Variants in NLGN4X observed in about 807,000 individuals in gnomAD.
The protein encoded by NLGN4X is neuroligin-4, X-linked.
NLGN4X carries 3 observed loss-of-function variants against 40.3 expected under a neutral mutation model. The ratio of observed to expected loss-of-function variants is 0.07; its 90% CI spans 0.03 to 0.19. NLGN4X has a LOEUF of 0.19. Ranked by LOEUF, NLGN4X falls within the 10% of genes least tolerant of loss-of-function variation. The pLI is 1.00. For synonymous variants in NLGN4X, 270 were observed against 306.8 expected (o/e 0.88, Z 1.25); for missense variants, 382 against 708.3 (o/e 0.54, Z 5.23).
At chrX:5,919,476 G>A (rs2032942915) in intron 3 of NLGN4X, among the ~76,000 whole-genome samples, 1 of 111,748 alleles carries the variant, frequency 8.9e-6, no homozygotes, top group Non-Finnish European at 1.9e-5. Context: ...CTCTACAGCA[G>A]GGGTCCCCAA....
intron 1 of NLGN4X, among the ~76,000 whole-genome samples, chrX:6,162,146 T>G (rs2040413562): frequency 8.9e-6 from 1 of 112,109 alleles, no homozygotes; most frequent in African/African-American, 3.2e-5. Context: ...CAAAAACACC[T>G]ACTCATGTGT....
intron 2 of NLGN4X, among the ~76,000 whole-genome samples, chrX:6,029,730 A>C (rs1326827045): frequency 8.9e-6 from 1 of 111,844 alleles, no homozygotes; most frequent in African/African-American, 3.2e-5. Context: ...TAAAGTACAC[A>C]TTTCCTAAAT....
At chrX:6,096,922 T>C (rs1478651766) in intron 2 of NLGN4X, among the ~76,000 whole-genome samples, 3 of 106,054 alleles carry the variant, frequency 2.8e-5, no homozygotes, top group East Asian at 3.0e-4. Flanking sequence ...AGGACATTGA[T>C]GGTGCTGTTG....
chrX:5,900,610 G>A, intron 5 of NLGN4X, among the ~76,000 whole-genome samples: 1 of 75,897 alleles, frequency 1.3e-5, no homozygotes, highest in Non-Finnish European at 2.3e-5. Flanking sequence ...GTTTCGGTCT[G>A]TCACCCAGGT....
intron 2 of NLGN4X, among the ~76,000 whole-genome samples, chrX:6,106,330 G>A (rs987116007): frequency 9.0e-6 from 1 of 111,437 alleles, no homozygotes; most frequent in Admixed American, 9.5e-5. Context: ...ACACTAAAGA[G>A]CACCCCATTT....
At chrX:6,227,720 G>C (rs1926508482) in intron 1 of NLGN4X, 1 of 110,902 alleles carries the variant, frequency 9.0e-6, no homozygotes, top group Middle Eastern at 4.6e-3. Context: ...GGTCTCCAGC[G>C]CGCCTGGATC....
At chrX:5,965,059 G>T in intron 3 of NLGN4X, among the ~76,000 whole-genome samples, 1 of 111,689 alleles carries the variant, frequency 9.0e-6, no homozygotes, top group African/African-American at 3.2e-5. Context: ...TGGATCGTGG[G>T]GTAGTGAATA....
At chrX:6,172,215 C>T (rs1449179710) in intron 1 of NLGN4X, among the ~76,000 whole-genome samples, 2 of 112,330 alleles carry the variant, frequency 1.8e-5, no homozygotes, top group African/African-American at 6.5e-5. Context: ...ATTTGTTCTT[C>T]TGAAATCTCG....
At position 5,940,153 on chromosome X, in the gene NLGN4X, C is replaced by T. The variant is rs1166990034; in HGVS notation, c.626-30914G>A. Among the ~76,000 whole-genome samples, 5 of 106,462 alleles carry T rather than the reference C, an allele frequency of 4.7e-5. No homozygotes were observed. The East Asian group carries it at 1.4e-3, about 31-fold the overall frequency. The allele number at this position is 106,462 out of a possible 115,157, so 92.4% of individuals were successfully genotyped here. On this transcript the variant is annotated intron_variant, in intron 3 of 5. Coordinates refer to ENST00000381095, the MANE Select transcript of NLGN4X (RefSeq NM_181332.3). ...CAGTACTAGAAACCACATTTCATCA[C>T]GGAAAAAAAAAAAGAAAACAAAAAC...
chrX:6,180,847 T>G (rs900927152), intron 1 of NLGN4X, among the ~76,000 whole-genome samples: 5 of 111,211 alleles, frequency 4.5e-5, no homozygotes. Context: ...CTTGATGTTA[T>G]TTTCAAAGCA....
At chrX:5,997,878 A>G (rs921203400) in intron 3 of NLGN4X, among the ~76,000 whole-genome samples, 19 of 110,653 alleles carry the variant, frequency 1.7e-4, no homozygotes, top group South Asian at 3.9e-4. Context: ...TGATGTGCCA[A>G]TGTGGTCAGT....
chrX:6,124,964 T>A (rs1340323730), intron 2 of NLGN4X, among the ~76,000 whole-genome samples: 1 of 111,783 alleles, frequency 8.9e-6, no homozygotes, highest in Admixed American at 9.5e-5. Flanking sequence ...TAGAAATCAA[T>A]AGTAAAAAGC....
chrX:6,144,934 C>T (rs768041247), intron 2 of NLGN4X, among the ~76,000 whole-genome samples: 154 of 110,823 alleles, frequency 1.4e-3, no homozygotes, highest in Non-Finnish European at 2.3e-3. Flanking sequence ...GGGTGGAGGG[C>T]GGTGCTTGCA....
At chrX:5,928,043 G>C (rs981358672) in intron 3 of NLGN4X, among the ~76,000 whole-genome samples, 2 of 111,973 alleles carry the variant, frequency 1.8e-5, no homozygotes, top group Admixed American at 9.5e-5. Flanking sequence ...ACACGCATCT[G>C]CAACTCCAGG....
At chrX:5,907,195 C>T (rs2032236484) in intron 4 of NLGN4X, among the ~76,000 whole-genome samples, 1 of 112,018 alleles carries the variant, frequency 8.9e-6, no homozygotes, top group African/African-American at 3.2e-5. Context: ...ATGACTGAGA[C>T]GGCTATTAGG....
At position 5,892,835 on chromosome X, in the gene NLGN4X, A is replaced by C; in HGVS notation, c.2433T>G (p.His811Gln). The C allele has an allele frequency of 8.3e-7, 1 of 1,211,393 alleles. No individual in the cohort carries two copies. The highest frequency in any genetic ancestry group is 1.1e-6 in the Non-Finnish European group (1 of 895,441). Residue 811 changes from histidine (H) to glutamine (Q), a missense_variant, in exon 6 of 6, where the codon CAT becomes CAG. This residue lies in a region of NLGN4X where 57 missense variants were observed against 65.6 expected (regional missense o/e 0.87). Coordinates refer to ENST00000381095, the MANE Select transcript of NLGN4X (RefSeq NM_181332.3). ...GQNSTNLPHG[H>Q]STTRV is the part of the protein sequence containing the mutation. ...GGCAAAGCTATACTCTAGTGGTGGA[A>C]TGTCCGTGGGGTAAATTTGTACTGT...
At chrX:6,038,164 G>A (rs1037565382) in intron 2 of NLGN4X, among the ~76,000 whole-genome samples, 1 of 111,925 alleles carries the variant, frequency 8.9e-6, no homozygotes. Context: ...CCTGGTAGGA[G>A]AGTCTGGGGA....
intron 1 of NLGN4X, among the ~76,000 whole-genome samples, chrX:6,170,070 A>C (rs774013407): frequency 2.4e-4 from 26 of 108,846 alleles, no homozygotes; most frequent in African/African-American, 7.7e-4. Context: ...GCAGCGGTAT[A>C]ATCTCAGCTC....
At chrX:6,069,479 T>C (rs371860006) in intron 2 of NLGN4X, among the ~76,000 whole-genome samples, 47 of 111,706 alleles carry the variant, frequency 4.2e-4, no homozygotes, top group African/African-American at 1.5e-3. Flanking sequence ...AGAAACAAAA[T>C]TGAAAATTTA....
Sources: allele counts gnomAD v4.1 joint callset (sites outside exome capture counted in the v4.1 genomes callset), GRCh38; gene constraint gnomAD v4.1.1; regional missense constraint gnomAD v4.1.1; transcripts MANE v1.5; gene names NCBI Gene and HGNC (gene_info 2026-07-23, HGNC 2026-07-21).